Variants in LRRC4C observed in about 807,000 individuals in gnomAD.
LRRC4C encodes leucine rich repeat containing 4C.
A neutral mutation model predicts 33.6 loss-of-function variants in LRRC4C; 5 were observed. The ratio of observed to expected loss-of-function variants is 0.15; its 90% CI spans 0.08 to 0.31. The LOEUF (loss-of-function observed/expected upper bound fraction) is 0.31. Among genes scored for constraint, LRRC4C ranks in the 10% least tolerant of loss-of-function variants. The pLI is 1.00. For missense variants in LRRC4C, 560 were observed against 796.7 expected (o/e 0.70, Z 3.58); for synonymous variants, 329 against 302.0 (o/e 1.09, Z -0.93).
chr11:40,984,532 AGC>A (rs1289610098), intron 1 of LRRC4C, among the ~76,000 whole-genome samples: 1 of 152,192 alleles, frequency 6.6e-6, no homozygotes, highest in African/African-American at 2.4e-5. Flanking sequence ...ATGGTCCTGT[AGC>A]CATGCAATAG....
chr11:40,718,481 C>A (rs373710597), intron 2 of LRRC4C, among the ~76,000 whole-genome samples: 54 of 152,164 alleles, frequency 3.5e-4, no homozygotes, highest in African/African-American at 1.3e-3. Flanking sequence ...TTCATGCAGA[C>A]CAGCTGAGGC....
At chr11:40,983,510 C>T (rs1237845097) in intron 1 of LRRC4C, among the ~76,000 whole-genome samples, 1 of 152,126 alleles carries the variant, frequency 6.6e-6, no homozygotes, top group Admixed American at 6.5e-5. Context: ...CAAAATCTGA[C>T]AAATGGGATT....
At chr11:40,396,269 C>G (rs1053322188) in intron 3 of LRRC4C, among the ~76,000 whole-genome samples, 13 of 151,980 alleles carry the variant, frequency 8.6e-5, no homozygotes, top group Non-Finnish European at 1.9e-4. Flanking sequence ...ACACATGTCT[C>G]TAGACACCTT....
intron 1 of LRRC4C, among the ~76,000 whole-genome samples, chr11:41,095,625 CTCTT>C (rs1372136948): frequency 6.6e-6 from 1 of 152,170 alleles, no homozygotes; most frequent in African/African-American, 2.4e-5. Flanking sequence ...GAGGCATAGC[CTCTT>C]TCTAACCCTG....
intron 3 of LRRC4C, among the ~76,000 whole-genome samples, chr11:40,560,470 T>G (rs796464096): frequency 2.1e-5 from 3 of 145,392 alleles, no homozygotes; most frequent in Admixed American, 6.8e-5. Context: ...GTGTGTGTGT[T>G]ATCTGTATTC....
intron 4 of LRRC4C, among the ~76,000 whole-genome samples, chr11:40,298,876 C>T (rs1944639737): frequency 6.6e-6 from 1 of 151,610 alleles, no homozygotes; most frequent in Non-Finnish European, 1.5e-5. Context: ...AGAACTCATT[C>T]ACTATTTTGA....
At chr11:40,608,956 CAG>C (rs1241279486) in intron 3 of LRRC4C, among the ~76,000 whole-genome samples, 5 of 152,068 alleles carry the variant, frequency 3.3e-5, no homozygotes, top group Non-Finnish European at 7.4e-5. Flanking sequence ...ACAGGAGAAA[CAG>C]AGAGCAACAC....
At chr11:41,022,142 T>TATATATATATATATA (rs1565309607) in intron 1 of LRRC4C, among the ~76,000 whole-genome samples, 1 of 139,080 alleles carries the variant, frequency 7.2e-6, no homozygotes, top group African/African-American at 2.7e-5. Context: ...CAATTTTGTT[T>TATATATATATATATA]TATATATATA....
At chr11:40,268,560 T>C (rs747806971) in intron 4 of LRRC4C, among the ~76,000 whole-genome samples, 1 of 152,040 alleles carries the variant, frequency 6.6e-6, no homozygotes, top group Non-Finnish European at 1.5e-5. Flanking sequence ...TGGAGAGATA[T>C]TAAAGACATA....
intron 1 of LRRC4C, among the ~76,000 whole-genome samples, chr11:41,172,934 A>T (rs1255984917): frequency 6.6e-6 from 1 of 152,092 alleles, no homozygotes; most frequent in Non-Finnish European, 1.5e-5. Flanking sequence ...CTTTCTAGAT[A>T]AGGAGACTGA....
intron 1 of LRRC4C, among the ~76,000 whole-genome samples, chr11:41,164,657 G>A (rs1265518929): frequency 2.0e-5 from 3 of 152,098 alleles, no homozygotes; most frequent in Admixed American, 6.6e-5. Flanking sequence ...AGGTCACTGG[G>A]CAATAGGAAT....
intron 3 of LRRC4C, among the ~76,000 whole-genome samples, chr11:40,383,940 T>C (rs1239210652): frequency 6.7e-6 from 1 of 148,422 alleles, no homozygotes; most frequent in Non-Finnish European, 1.5e-5. Flanking sequence ...ATTATTATTA[T>C]TATTATTATT....
intron 3 of LRRC4C, among the ~76,000 whole-genome samples, chr11:40,421,386 G>A (rs567245111): frequency 1.3e-5 from 2 of 152,340 alleles, no homozygotes; most frequent in South Asian, 4.1e-4. Flanking sequence ...CTGTCTGACA[G>A]CTGTCTGGTG....
intron 1 of LRRC4C, among the ~76,000 whole-genome samples, chr11:41,217,107 G>A (rs1412522289): frequency 2.0e-5 from 3 of 152,228 alleles, no homozygotes; most frequent in Non-Finnish European, 4.4e-5. Context: ...ATTTTAAAAT[G>A]ATTTATATGG....
chr11:41,092,286 G>GGA (rs1029734898), intron 1 of LRRC4C, among the ~76,000 whole-genome samples: 39 of 152,008 alleles, frequency 2.6e-4, no homozygotes, highest in African/African-American at 7.7e-4. Context: ...AATAAGTCTC[G>GGA]GAGGAAGTAG....
intron 4 of LRRC4C, among the ~76,000 whole-genome samples, chr11:40,259,949 G>C (rs1470878250): frequency 4.0e-5 from 6 of 149,908 alleles, no homozygotes; most frequent in Non-Finnish European, 1.5e-5. Flanking sequence ...CTTTTACACT[G>C]TTGGTGGGAC....
At chr11:40,585,140 G>T (rs1488412635) in intron 3 of LRRC4C, among the ~76,000 whole-genome samples, 2 of 152,136 alleles carry the variant, frequency 1.3e-5, no homozygotes, top group South Asian at 2.1e-4. Context: ...CTTATAGACA[G>T]AATTTTAAGA....
chr11:40,945,190 C>T (rs1022488992), intron 1 of LRRC4C, among the ~76,000 whole-genome samples: 1 of 141,368 alleles, frequency 7.1e-6, no homozygotes, highest in African/African-American at 2.6e-5. Context: ...CCACCACGCC[C>T]GGCTAATTTT....
intron 3 of LRRC4C, among the ~76,000 whole-genome samples, chr11:40,553,167 G>C (rs374118164): frequency 2.0e-5 from 3 of 152,058 alleles, no homozygotes; most frequent in African/African-American, 7.2e-5. Flanking sequence ...AGCTACTCAG[G>C]AGGCTGAGGC....
Sources: allele counts gnomAD v4.1 joint callset (sites outside exome capture counted in the v4.1 genomes callset), GRCh38; gene constraint gnomAD v4.1.1; transcripts MANE v1.5; gene names NCBI Gene and HGNC (gene_info 2026-07-23, HGNC 2026-07-21).